Variants in SLIT3 observed in about 807,000 individuals in gnomAD.
SLIT3 encodes slit guidance ligand 3.
In SLIT3, 68 loss-of-function variants were observed where a neutral mutation model predicts 184.0. That is an observed-to-expected ratio of 0.37 (90% CI 0.30 to 0.45). The LOEUF is 0.45. Among genes scored for constraint, SLIT3 ranks in the 20% least tolerant of loss-of-function variants. The pLI is 1.00. For missense variants in SLIT3, 1,707 were observed against 2,026.0 expected, an observed-to-expected ratio of 0.84 and a Z score of 3.02; for synonymous variants, 831 against 828.6, an observed-to-expected ratio of 1.00 and a Z score of -0.05.
At chr5:169,170,556 T>C (rs956181863) in intron 4 of SLIT3, among the ~76,000 whole-genome samples, 5 of 152,040 alleles carry the variant, frequency 3.3e-5, no homozygotes, top group African/African-American at 9.7e-5. Flanking sequence ...GTGAGACTGA[T>C]GGGAATGGAA....
At chr5:168,745,696 G>C (rs1469596634) in intron 20 of SLIT3, among the ~76,000 whole-genome samples, 1 of 152,254 alleles carries the variant, frequency 6.6e-6, no homozygotes, top group African/African-American at 2.4e-5. Context: ...ACAGGCGTGA[G>C]CCACGGCACC....
chr5:168,881,486 A>G (rs1479077803), intron 5 of SLIT3, among the ~76,000 whole-genome samples: 1 of 152,216 alleles, frequency 6.6e-6, no homozygotes, highest in African/African-American at 2.4e-5. Flanking sequence ...AATTAGTGTC[A>G]TGAGATCTGA....
chr5:168,672,704 G>T (rs751941939), intron 33 of SLIT3, among the ~76,000 whole-genome samples: 7 of 152,122 alleles, frequency 4.6e-5, no homozygotes, highest in Non-Finnish European at 1.5e-5. Context: ...CAACTCCTGG[G>T]CTCAAGTGAT....
intron 4 of SLIT3, among the ~76,000 whole-genome samples, chr5:168,957,835 A>C (rs566422155): frequency 6.6e-6 from 1 of 152,198 alleles, no homozygotes; most frequent in Non-Finnish European, 1.5e-5. Flanking sequence ...TACTCACCGC[A>C]TGACCTTATC....
chr5:168,823,496 G>A (rs1000732536), intron 6 of SLIT3, among the ~76,000 whole-genome samples, 165 bp from the exon 7 acceptor site: 15 of 152,252 alleles, frequency 9.9e-5, no homozygotes, highest in East Asian at 3.9e-4. Flanking sequence ...GTCTCCAGAC[G>A]AGAAGAGCAT....
chr5:168,715,244 T>C (rs189788756), intron 23 of SLIT3, among the ~76,000 whole-genome samples: 5 of 152,346 alleles, frequency 3.3e-5, no homozygotes, highest in Non-Finnish European at 5.9e-5. Context: ...TCTCAGATAT[T>C]TTCATCTCTA....
chr5:168,704,571 T>C lies in SLIT3; in HGVS notation c.2844+3405A>G, dbSNP rs149541120. Among the ~76,000 whole-genome samples, 348 of 152,356 alleles carry C rather than the reference T, an allele frequency of 2.3e-3. 1 individual carries two copies. The highest frequency in any genetic ancestry group is 8.0e-3 in the African/African-American group (331 of 41,578). On this transcript the variant is annotated intron_variant, in intron 26 of 35. Coordinates refer to ENST00000519560, the MANE Select transcript of SLIT3 (RefSeq NM_003062.4). ...GTAAATTATTTCATCTTTCTGAACC[T>C]TAGTTGTTTCATCTATTAAAAGACG...
At position 168,858,434 on chromosome 5, in the gene SLIT3, T is replaced by C. The variant is rs907471465; in HGVS notation, c.486-13779A>G. On this transcript the variant is annotated intron_variant, in intron 5 of 35. Coordinates refer to ENST00000519560, the MANE Select transcript of SLIT3 (RefSeq NM_003062.4). Reference sequence around the variant, plus strand: ...ATATCCCCGTTAAAGGCTAGTTGTCTTATAAGCCTTGGTTTGGGGAAAGTA... The same window carrying C: ...ATATCCCCGTTAAAGGCTAGTTGTCCTATAAGCCTTGGTTTGGGGAAAGTA... Among the ~76,000 whole-genome samples the C allele has an allele frequency of 5.9e-5, 9 of 152,382 alleles. No homozygotes were observed. The South Asian group carries it at 1.9e-3, about 32-fold the overall frequency.
At chr5:168,698,088 T>TG (rs1282523177) in intron 27 of SLIT3, among the ~76,000 whole-genome samples, 2 of 152,038 alleles carry the variant, frequency 1.3e-5, no homozygotes, top group African/African-American at 4.8e-5. Flanking sequence ...TCTCCTGTGT[T>TG]GGTCTTCTGT....
intron 4 of SLIT3, among the ~76,000 whole-genome samples, chr5:169,141,583 C>A (rs1761742307): frequency 6.6e-6 from 1 of 151,256 alleles, no homozygotes; most frequent in Admixed American, 6.6e-5. Context: ...ACTAAAAATA[C>A]AAAAAATTAG....
intron 4 of SLIT3, among the ~76,000 whole-genome samples, chr5:168,887,156 T>C (rs769090089): frequency 5.9e-5 from 9 of 152,038 alleles, no homozygotes; most frequent in Non-Finnish European, 1.3e-4. Flanking sequence ...CATGCTTTGT[T>C]CTTGGAGGAG....
intron 1 of SLIT3, among the ~76,000 whole-genome samples, chr5:169,285,576 T>A (rs778883700): frequency 6.6e-5 from 10 of 152,232 alleles, no homozygotes; most frequent in Non-Finnish European, 1.3e-4. Context: ...GAAGGGGTAC[T>A]ATGTTGCTTT....
intron 4 of SLIT3, among the ~76,000 whole-genome samples, chr5:169,039,410 G>A (rs562584348): frequency 3.2e-4 from 48 of 149,686 alleles, no homozygotes; most frequent in Non-Finnish European, 6.4e-4. Context: ...TCCACTTCCC[G>A]GGTTCATGCC....
chr5:169,076,049 C>A (rs1405462571), intron 4 of SLIT3, among the ~76,000 whole-genome samples: 1 of 152,182 alleles, frequency 6.6e-6, no homozygotes, highest in Non-Finnish European at 1.5e-5. Context: ...CAAGCTGAGC[C>A]CCTCTGTTCT....
At chr5:169,007,788 C>A (rs1189362130) in intron 4 of SLIT3, among the ~76,000 whole-genome samples, 1 of 152,144 alleles carries the variant, frequency 6.6e-6, no homozygotes. Flanking sequence ...ACATACACAC[C>A]TTTTGCCTTT....
At chr5:168,887,604 G>T (rs1035868709) in intron 4 of SLIT3, among the ~76,000 whole-genome samples, 2 of 152,140 alleles carry the variant, frequency 1.3e-5, no homozygotes, top group African/African-American at 4.8e-5. Context: ...CTGGTCAACT[G>T]CATGACTCTG....
chr5:168,777,876 G>T (rs1347933484), intron 12 of SLIT3, among the ~76,000 whole-genome samples: 1 of 152,252 alleles, frequency 6.6e-6, no homozygotes, highest in Non-Finnish European at 1.5e-5. Flanking sequence ...AGTCAACTCA[G>T]CCTGGCTTCC....
intron 4 of SLIT3, among the ~76,000 whole-genome samples, chr5:169,166,060 A>C (rs1225154478): frequency 6.6e-6 from 1 of 152,226 alleles, no homozygotes; most frequent in Non-Finnish European, 1.5e-5. Context: ...AACTTGCCCA[A>C]GGTCACACAG....
intron 4 of SLIT3, among the ~76,000 whole-genome samples, chr5:169,138,537 G>A (rs1437074248): frequency 6.6e-6 from 1 of 152,106 alleles, no homozygotes; most frequent in Non-Finnish European, 1.5e-5. Flanking sequence ...CTGCCTCTGG[G>A]AAAGTGATCT....
Sources: gnomAD v4.1 joint callset for allele counts (sites outside exome capture counted in the v4.1 genomes callset) on GRCh38, gnomAD v4.1.1 for gene constraint, MANE v1.5 for transcripts, NCBI Gene and HGNC (gene_info 2026-07-23, HGNC 2026-07-21) for gene names.